Variants in DAB1 observed in about 807,000 individuals in gnomAD.
DAB1 encodes disabled homolog 1.
A neutral mutation model predicts 64.6 loss-of-function variants in DAB1; 15 were observed. The observed-to-expected ratio is 0.23, with a 90% CI of 0.16 to 0.36. DAB1 has a LOEUF of 0.36. DAB1 is among the 10% of genes least tolerant of loss of function. The pLI is 1.00. For missense variants in DAB1, 596 were observed against 706.7 expected (o/e 0.84, Z 1.78); for synonymous variants, 235 against 251.9 (o/e 0.93, Z 0.64).
intron 7 of DAB1, among the ~76,000 whole-genome samples, chr1:57,529,031 T>C (rs920511218): frequency 2.0e-5 from 3 of 152,018 alleles, no homozygotes; most frequent in Non-Finnish European, 2.9e-5. Flanking sequence ...TATAGAAGGG[T>C]ATATAACACA....
chr1:58,041,635 G>A (rs1308031205), intron 5 of DAB1, among the ~76,000 whole-genome samples: 18 of 152,194 alleles, frequency 1.2e-4, no homozygotes, highest in Non-Finnish European at 1.5e-5. Context: ...AGTCAGTCTG[G>A]CTGCAGAGTG....
chr1:57,948,795 A>T (rs1236730015), intron 5 of DAB1, among the ~76,000 whole-genome samples: 1 of 152,198 alleles, frequency 6.6e-6, no homozygotes, highest in Non-Finnish European at 1.5e-5. Flanking sequence ...CACTATTCAG[A>T]TTGAAGAATC....
intron 2 of DAB1, among the ~76,000 whole-genome samples, chr1:57,261,690 G>A (rs1453180962): frequency 6.6e-6 from 1 of 152,176 alleles, no homozygotes; most frequent in African/African-American, 2.4e-5. Context: ...GCTGACTAGT[G>A]AATGAAGTAT....
intron 4 of DAB1, among the ~76,000 whole-genome samples, chr1:57,117,959 T>C (rs1288501043): frequency 6.6e-6 from 1 of 152,190 alleles, no homozygotes; most frequent in Non-Finnish European, 1.5e-5. Flanking sequence ...GCTGGCTTGC[T>C]GCATCAGGAG....
intron 2 of DAB1, among the ~76,000 whole-genome samples, chr1:57,256,268 CAA>C (rs1428657106): frequency 3.3e-5 from 5 of 152,120 alleles, no homozygotes; most frequent in East Asian, 1.9e-4. Flanking sequence ...TCAGAGATCA[CAA>C]AAGTTGTTAA....
chr1:58,025,673 A>G (rs555338887), intron 5 of DAB1, among the ~76,000 whole-genome samples: 2 of 143,328 alleles, frequency 1.4e-5, no homozygotes, highest in Admixed American at 7.0e-5. Context: ...ATATATATAT[A>G]TATATATATA....
intron 7 of DAB1, among the ~76,000 whole-genome samples, chr1:57,431,323 T>A (rs1434745028): frequency 2.0e-5 from 3 of 152,096 alleles, no homozygotes; most frequent in Non-Finnish European, 4.4e-5. Flanking sequence ...AGGATCCACT[T>A]AAAAACACAC....
intron 7 of DAB1, among the ~76,000 whole-genome samples, chr1:57,457,659 T>A (rs963406197): frequency 1.8e-4 from 28 of 152,136 alleles, no homozygotes; most frequent in Non-Finnish European, 4.0e-4. Context: ...AAAATGAAAG[T>A]CTGCATTGGA....
rs1394999377 is a variant in DAB1, at chr1:57,799,587, G to GC, written n.551+84411_551+84412insG. On this transcript the variant is annotated intron_variant and non_coding_transcript_variant, in intron 6 of 20. Coordinates refer to the DAB1 transcript ENST00000485760. ...GAAAAAAAAAAAAAAAAAAGATCTG[G>GC]GGGGGGCTTTCAGGAAGATTAAACT... Among the ~76,000 whole-genome samples, 3 of 60,010 alleles carry GC rather than the reference G, an allele frequency of 5.0e-5. No individual in the cohort carries two copies. In the East Asian group the frequency reaches 1.4e-3, roughly 28 times the overall value. 39.4% of individuals were successfully genotyped at this position (60,010 alleles called of 152,430 possible).
At chr1:57,385,682 T>A (rs1223963539) in intron 1 of DAB1, among the ~76,000 whole-genome samples, 1 of 151,998 alleles carries the variant, frequency 6.6e-6, no homozygotes, top group East Asian at 1.9e-4. Context: ...AAGGGTGAAA[T>A]ATAGGCATTA....
chr1:57,272,178 C>T (rs1219500982), intron 2 of DAB1, among the ~76,000 whole-genome samples: 2 of 152,174 alleles, frequency 1.3e-5, no homozygotes, highest in Non-Finnish European at 2.9e-5. Context: ...GAGTGGGTTA[C>T]ATTCTAAACA....
intron 6 of DAB1, among the ~76,000 whole-genome samples, chr1:57,666,175 G>A (rs1345045843): frequency 6.6e-6 from 1 of 151,890 alleles, no homozygotes; most frequent in Non-Finnish European, 1.5e-5. Context: ...TTTATGAGGA[G>A]CACATTCAGC....
intron 4 of DAB1, among the ~76,000 whole-genome samples, chr1:58,298,363 A>G (rs1312281771): frequency 6.6e-6 from 1 of 152,176 alleles, no homozygotes; most frequent in Non-Finnish European, 1.5e-5. Flanking sequence ...TCCTTTGCCC[A>G]CCTTTGCTCA....
chr1:58,423,716 C>T (rs114243029), intron 3 of DAB1, among the ~76,000 whole-genome samples: 1,642 of 152,324 alleles, frequency 0.011, 27 homozygotes, highest in African/African-American at 0.037. Context: ...GCTACAGCTC[C>T]TGCCAGGTGA....
At chr1:58,025,645 ATG>A (rs1208743202) in intron 5 of DAB1, among the ~76,000 whole-genome samples, 3,229 of 79,126 alleles carry the variant, frequency 0.041, 117 homozygotes, top group African/African-American at 0.067. Flanking sequence ...TTATATATAT[ATG>A]TGTGTATATA....
intron 2 of DAB1, among the ~76,000 whole-genome samples, chr1:57,168,664 C>A (rs155290): frequency 6.6e-6 from 1 of 152,134 alleles, no homozygotes; most frequent in Admixed American, 6.5e-5. Flanking sequence ...TCCCCAAATG[C>A]GATTTTTCCC....
rs142383559 is a variant in DAB1 at position 58,409,085 on chromosome 1, T to C, written n.258-65682A>G. On this transcript the variant is annotated intron_variant and non_coding_transcript_variant, in intron 3 of 20. Coordinates refer to the DAB1 transcript ENST00000485760. ...ACGTTTTTCTCAGCTATGTACTCTA[T>C]ATACAGCATCTCCTTGGTGCTTTAT... Among the ~76,000 whole-genome samples the C allele has an allele frequency of 2.8e-4, 43 of 152,350 alleles. No homozygotes were observed. The East Asian group carries it at 8.1e-3, about 29-fold the overall frequency.
At chr1:57,946,661 C>T (rs893984220) in intron 5 of DAB1, among the ~76,000 whole-genome samples, 5 of 152,216 alleles carry the variant, frequency 3.3e-5, no homozygotes, top group African/African-American at 1.2e-4. Context: ...GCAGTTCCTG[C>T]AAGGCAGCCC....
At chr1:57,341,840 G>C (rs569641966) in intron 1 of DAB1, among the ~76,000 whole-genome samples, 1 of 152,308 alleles carries the variant, frequency 6.6e-6, no homozygotes, top group South Asian at 2.1e-4. Context: ...CTACGTGTAA[G>C]AACCTCCTTT....
Sources: allele counts gnomAD v4.1 joint callset (sites outside exome capture counted in the v4.1 genomes callset), GRCh38; gene constraint gnomAD v4.1.1; transcripts MANE v1.5; gene names NCBI Gene and HGNC (gene_info 2026-07-23, HGNC 2026-07-21).